The following CHL1 variants were observed in gnomAD, a reference collection of about 807,000 sequenced individuals.
CHL1 encodes the protein cell adhesion molecule L1 like.
In CHL1, 96 loss-of-function variants were observed where a neutral mutation model predicts 141.9. The observed-to-expected ratio is 0.68, with a 90% CI of 0.57 to 0.80. The LOEUF (loss-of-function observed/expected upper bound fraction) is 0.80. Ranked by LOEUF, CHL1 falls within the 30% of genes least tolerant of loss-of-function variation. The pLI, the probability that CHL1 is intolerant of heterozygous loss-of-function variation, is 0.00. For missense variants in CHL1, 1,820 were observed against 1,457.2 expected, an observed-to-expected ratio of 1.25 and a Z score of -4.05; for synonymous variants, 613 against 502.2, an observed-to-expected ratio of 1.22 and a Z score of -2.95.
intron 15 of CHL1, among the ~76,000 whole-genome samples, chr3:373,130 G>A (rs1051589037): frequency 2.6e-5 from 4 of 152,190 alleles, no homozygotes; most frequent in South Asian, 2.1e-4. Context: ...TTGTCCCTTG[G>A]TGGAGGGGAT....
At chr3:221,803 C>G (rs1700866113) in intron 1 of CHL1, among the ~76,000 whole-genome samples, 1 of 152,158 alleles carries the variant, frequency 6.6e-6, no homozygotes, top group African/African-American at 2.4e-5. Context: ...AGATGCTACA[C>G]CTAAACTTAT....
chr3:309,392 C>CTTCCTTCCTTCCT (rs142838718), intron 2 of CHL1: 86 of 134,142 alleles, frequency 6.4e-4, no homozygotes, highest in African/African-American at 2.5e-3. Context: ...TCCTTCCTTC[C>CTTCCTTCCTTCCT]TCCTTCCTTC....
intron 1 of CHL1, among the ~76,000 whole-genome samples, chr3:207,279 T>G (rs535938209): frequency 6.6e-6 from 1 of 152,330 alleles, no homozygotes; most frequent in South Asian, 2.1e-4. Flanking sequence ...AATAAGTTTG[T>G]TTCCTGCTTT....
intron 11 of CHL1, among the ~76,000 whole-genome samples, chr3:355,256 C>G (rs1703610584): frequency 6.6e-6 from 1 of 152,156 alleles, no homozygotes; most frequent in South Asian, 2.1e-4. Context: ...AAAGCATCCT[C>G]AGGGAAAAGG....
intron 9 of CHL1, among the ~76,000 whole-genome samples, 186 bp from the exon 10 acceptor site, chr3:349,173 G>A (rs114031233): frequency 4.6e-5 from 7 of 152,304 alleles, no homozygotes; most frequent in African/African-American, 1.4e-4. Flanking sequence ...AAAGAGACTT[G>A]CTTCAACACC....
At chr3:344,082 A>G (rs1283363591) in intron 8 of CHL1, among the ~76,000 whole-genome samples, 1 of 152,192 alleles carries the variant, frequency 6.6e-6, no homozygotes, top group Non-Finnish European at 1.5e-5. Context: ...AGCTGAGACT[A>G]CAGGTAGAGT....
chr3:307,992 T>C (rs2124955830), intron 2 of CHL1, among the ~76,000 whole-genome samples: 1 of 152,350 alleles, frequency 6.6e-6, no homozygotes, highest in South Asian at 2.1e-4. Flanking sequence ...TGGCCTTAAG[T>C]AGACACTGTA....
intron 2 of CHL1, among the ~76,000 whole-genome samples, chr3:276,017 A>G (rs1464227658): frequency 6.6e-6 from 1 of 152,012 alleles, no homozygotes; most frequent in East Asian, 1.9e-4. Context: ...TTTTTGTTCT[A>G]AAAACTAATA....
chr3:359,774 T>C (rs1460322108), intron 11 of CHL1, among the ~76,000 whole-genome samples: 1 of 152,090 alleles, frequency 6.6e-6, no homozygotes, highest in Non-Finnish European at 1.5e-5. Flanking sequence ...GGTTAAATAG[T>C]GAAGCAAGGC....
intron 9 of CHL1, among the ~76,000 whole-genome samples, chr3:345,065 TA>T (rs1400077743): frequency 1.3e-5 from 2 of 152,120 alleles, no homozygotes; most frequent in African/African-American, 4.8e-5. Context: ...CTGGAGGAAG[TA>T]ATTTGTACTT....
chr3:366,028 A>C lies in CHL1; in HGVS notation c.1664A>C (p.Lys555Thr). Residue 555 changes from lysine to threonine, a missense_variant, in exon 15 of 28, where the codon AAA becomes ACA. Coordinates refer to ENST00000256509, the MANE Select transcript of CHL1 (RefSeq NM_006614.4). ...LHMLELHCES[K>T]CDSHLKHSLK... is the part of the protein sequence containing the mutation. ...ATGCTTGAATTACATTGTGAAAGCA[A>C]ATGTGACTCACATTTGAAACACAGT... 1 of 1,613,694 alleles carries C rather than the reference A, an allele frequency of 6.2e-7. No homozygotes were observed. The highest frequency in any genetic ancestry group is 8.5e-7 in the Non-Finnish European group (1 of 1,179,606).
At chr3:287,496 C>G (rs1183388484) in intron 2 of CHL1, among the ~76,000 whole-genome samples, 1 of 152,154 alleles carries the variant, frequency 6.6e-6, no homozygotes, top group Non-Finnish European at 1.5e-5. Context: ...AGTAGAGGTG[C>G]TTTGGGAAAG....
intron 15 of CHL1, among the ~76,000 whole-genome samples, chr3:370,366 T>C (rs1234623944): frequency 6.6e-6 from 1 of 152,180 alleles, no homozygotes; most frequent in Admixed American, 6.5e-5. Flanking sequence ...TCTTCTAGAT[T>C]TTCTAGTTTA....
intron 13 of CHL1, 22 bp from the exon 14 acceptor site, chr3:363,195 T>C (rs1704457693): frequency 3.1e-6 from 5 of 1,599,522 alleles, no homozygotes; most frequent in African/African-American, 1.4e-5. Flanking sequence ...CTCAGATGGA[T>C]GTACGCTTTC....
intron 1 of CHL1, among the ~76,000 whole-genome samples, chr3:221,784 C>G (rs887762123): frequency 6.6e-6 from 1 of 152,154 alleles, no homozygotes. Context: ...ATTAAGTTAA[C>G]AAGAACATAG....
At chr3:328,446 T>C in intron 5 of CHL1, 92 bp downstream of exon 5, 1 of 1,082,950 alleles carries the variant, frequency 9.2e-7, no homozygotes, top group Admixed American at 2.6e-5. Flanking sequence ...AAAGCAGTTA[T>C]TAACTAAATC....
chr3:368,416 A>C (rs1483317419), intron 15 of CHL1, among the ~76,000 whole-genome samples: 1 of 152,016 alleles, frequency 6.6e-6, no homozygotes, highest in Non-Finnish European at 1.5e-5. Context: ...GTGTCTGTTC[A>C]TATCCTTTGC....
chr3:281,559 C>CTTT (rs71619446), intron 2 of CHL1, among the ~76,000 whole-genome samples: 1 of 135,320 alleles, frequency 7.4e-6, no homozygotes, highest in Admixed American at 7.4e-5. Context: ...CAATTTGTAC[C>CTTT]TTTTTTTTTT....
intron 3 of CHL1, among the ~76,000 whole-genome samples, chr3:324,457 G>C (rs549296699): frequency 6.6e-6 from 1 of 152,160 alleles, no homozygotes; most frequent in South Asian, 2.1e-4. Flanking sequence ...CTCATCAGCA[G>C]TAGATCTTTA....
Sources: gnomAD v4.1 joint callset for allele counts (sites outside exome capture counted in the v4.1 genomes callset) on GRCh38, gnomAD v4.1.1 for gene constraint, MANE v1.5 for transcripts, NCBI Gene and HGNC (gene_info 2026-07-23, HGNC 2026-07-21) for gene names.